Variants in TRPC4 observed in about 807,000 individuals in gnomAD.
TRPC4 encodes the protein short transient receptor potential channel 4.
In TRPC4, 49 loss-of-function variants were observed where a neutral mutation model predicts 99.4. The observed-to-expected ratio is 0.49, with a 90% CI of 0.39 to 0.63. The LOEUF (loss-of-function observed/expected upper bound fraction) is 0.63. Among genes scored for constraint, TRPC4 ranks in the 20% least tolerant of loss-of-function variants. The pLI, the probability that TRPC4 is intolerant of heterozygous loss-of-function variation, is 0.00. For synonymous variants in TRPC4, 454 were observed against 425.9 expected (o/e 1.07, Z -0.81); for missense variants, 898 against 1,152.9 (o/e 0.78, Z 3.20).
chr13:37,724,543 C>G (rs2139050448), intron 3 of TRPC4, among the ~76,000 whole-genome samples: 1 of 152,160 alleles, frequency 6.6e-6, no homozygotes, highest in African/African-American at 2.4e-5. Flanking sequence ...TTATGAAGTT[C>G]TAGGGAAGAA....
At chr13:37,658,352 A>G (rs958761392) in intron 6 of TRPC4, among the ~76,000 whole-genome samples, 1 of 152,190 alleles carries the variant, frequency 6.6e-6, no homozygotes, top group African/African-American at 2.4e-5. Flanking sequence ...TATATTGCTC[A>G]ACATATGCTT....
chr13:37,751,894 G>C lies in TRPC4; in HGVS notation c.379-5439C>G, dbSNP rs184385473. 2.4e-3 allele frequency among the ~76,000 whole-genome samples: 363 copies of C among 151,408 alleles called. 4 individuals are homozygous for C. Among genetic ancestry groups the C allele is most frequent in the Middle Eastern group, 0.014 (4 of 294 alleles). On this transcript the variant is annotated intron_variant, in intron 2 of 10. Transcript: ENST00000379705. ...TCCAACATCATGGTAGTTATCATGA[G>C]AAATACACAGAAAAATAAGAAATGA... is the stretch of plus-strand genomic sequence containing the variant.
rs1189952509 is a variant in TRPC4 at position 37,749,584 on chromosome 13, A to C, written c.379-3129T>G. On this transcript the variant is annotated intron_variant, in intron 2 of 10. Coordinates refer to ENST00000379705, the MANE Select transcript of TRPC4 (RefSeq NM_016179.4). ...CCGATTGCATGAAGACAATAAAAAC[A>C]GAACAAAAGTGTTTTAAGAAAATAA... Among the ~76,000 whole-genome samples the C allele has an allele frequency of 3.9e-5, 6 of 152,152 alleles. No individual in the cohort carries two copies. The East Asian group carries it at 1.2e-3, about 29-fold the overall frequency.
intron 2 of TRPC4, among the ~76,000 whole-genome samples, chr13:37,776,603 A>G (rs1278113319): frequency 6.6e-6 from 1 of 151,940 alleles, no homozygotes; most frequent in Non-Finnish European, 1.5e-5. Flanking sequence ...AGTAATTTCA[A>G]TTGGGTTAAC....
At chr13:37,842,146 T>C (rs1958748132) in intron 1 of TRPC4, among the ~76,000 whole-genome samples, 1 of 151,148 alleles carries the variant, frequency 6.6e-6, no homozygotes, top group Non-Finnish European at 1.5e-5. Flanking sequence ...GGCATACACC[T>C]GTAATCCCAG....
chr13:37,747,532 C>T (rs1025082439), intron 2 of TRPC4, among the ~76,000 whole-genome samples: 3 of 151,922 alleles, frequency 2.0e-5, no homozygotes, highest in Non-Finnish European at 2.9e-5. Context: ...TGATGACTCA[C>T]GTCACATTGA....
Position 37,690,213 on chromosome 13 carries a change from G to T in TRPC4, c.1234+1786C>A, listed in dbSNP as rs9548018. On this transcript the variant is annotated intron_variant, in intron 4 of 10. Transcript: ENST00000379705. ...ATATATTTAATTTAAATGAAACAGG[G>T]GGGGTTATTTTACCTTTAATACCAA... is the stretch of plus-strand genomic sequence containing the variant. Among the ~76,000 whole-genome samples the T allele has an allele frequency of 4.7e-4, 71 of 152,298 alleles. 1 individual carries two copies. In the East Asian group the frequency reaches 0.011, roughly 23 times the overall value.
At chr13:37,842,633 G>A (rs967604708) in intron 1 of TRPC4, among the ~76,000 whole-genome samples, 1 of 152,092 alleles carries the variant, frequency 6.6e-6, no homozygotes, top group Admixed American at 6.5e-5. Context: ...TTCTTGCTGT[G>A]TTCCCACATG....
chr13:37,812,184 A>AAAACAAACAAACAAAC (rs1555276075), intron 1 of TRPC4, among the ~76,000 whole-genome samples: 5 of 147,930 alleles, frequency 3.4e-5, no homozygotes, highest in African/African-American at 1.2e-4. Flanking sequence ...ATCAAAAAAA[A>AAAACAAACAAACAAAC]AAAAAAAAAA....
chr13:37,784,263 G>T (rs1253553375), intron 1 of TRPC4, among the ~76,000 whole-genome samples: 1 of 151,948 alleles, frequency 6.6e-6, no homozygotes, highest in East Asian at 1.9e-4. Context: ...TCATTCTACT[G>T]CCTTTAAAAA....
At chr13:37,684,573 T>G (rs945053155) in intron 4 of TRPC4, among the ~76,000 whole-genome samples, 3 of 152,120 alleles carry the variant, frequency 2.0e-5, no homozygotes, top group African/African-American at 4.8e-5. Flanking sequence ...AGAATGCTTA[T>G]GTAGATAGGA....
chr13:37,778,272 A>G (rs1017890493), intron 2 of TRPC4, among the ~76,000 whole-genome samples: 10 of 151,926 alleles, frequency 6.6e-5, no homozygotes, highest in Admixed American at 3.3e-4. Flanking sequence ...TACGTCACTT[A>G]AGCCTTTTAA....
chr13:37,639,023 A>C lies in TRPC4; in HGVS notation c.2211+17T>G. 6.2e-7 allele frequency: 1 copy of C among 1,611,872 alleles called. No homozygotes were observed. The highest frequency in any genetic ancestry group is 8.5e-7 in the Non-Finnish European group (1 of 1,178,070). On this transcript the variant is annotated intron_variant, in intron 10 of 10. Transcript: ENST00000379705. ...TCTGCACAATCTGCCTCTTGTGATG[A>C]AGATGAAAATGGTTACCTTAAAGTT...
chr13:37,695,984 A>G (rs1169019054), intron 3 of TRPC4, among the ~76,000 whole-genome samples: 1 of 152,338 alleles, frequency 6.6e-6, no homozygotes, highest in East Asian at 1.9e-4. Flanking sequence ...ACTACATTGT[A>G]TTAGTCAGTT....
chr13:37,780,083 C>T (rs533268298), intron 2 of TRPC4, among the ~76,000 whole-genome samples: 6 of 152,124 alleles, frequency 3.9e-5, no homozygotes, highest in East Asian at 1.9e-4. Context: ...GGGCCCAGGA[C>T]GAGGCCTGGC....
chr13:37,636,708 G>A lies in TRPC4; in HGVS notation c.*195C>T. 2 of 582,002 alleles carry A rather than the reference G, an allele frequency of 3.4e-6. No homozygotes were observed. The highest frequency in any genetic ancestry group is 3.2e-5 in the East Asian group (1 of 30,824). The allele number at this position is 582,002 out of a possible 1,614,324, so 36.1% of individuals were successfully genotyped here. A position where few individuals can be genotyped will look rare whatever the true frequency, so the allele number is the denominator to read the frequency against. The stretch of plus-strand genomic sequence containing the variant: ...AACAATTGTAAGACAAATTGTGAAA[G>A]CAAAAGCAGGCTACAAAACAAAAAG... On this transcript the variant is annotated 3_prime_UTR_variant, in exon 11 of 11. Coordinates refer to ENST00000379705, the MANE Select transcript of TRPC4 (RefSeq NM_016179.4).
intron 4 of TRPC4, among the ~76,000 whole-genome samples, chr13:37,685,720 C>T (rs1953448875): frequency 6.6e-6 from 1 of 151,934 alleles, no homozygotes; most frequent in South Asian, 2.1e-4. Context: ...TCTCTGAAGG[C>T]CTGTAAATTT....
chr13:37,753,498 T>G (rs2139201451), intron 2 of TRPC4, among the ~76,000 whole-genome samples: 1 of 147,854 alleles, frequency 6.8e-6, no homozygotes, highest in African/African-American at 2.5e-5. Flanking sequence ...CTTGTAGCCA[T>G]GGAAAAGGAA....
intron 8 of TRPC4, among the ~76,000 whole-genome samples, chr13:37,644,860 G>A (rs1227375495): frequency 2.8e-5 from 3 of 106,244 alleles, no homozygotes; most frequent in Admixed American, 1.3e-4. Flanking sequence ...GCAACAGAGC[G>A]AGACTCCATC....
Sources: allele counts gnomAD v4.1 joint callset (sites outside exome capture counted in the v4.1 genomes callset), GRCh38; gene constraint gnomAD v4.1.1; transcripts MANE v1.5; gene names NCBI Gene and HGNC (gene_info 2026-07-23, HGNC 2026-07-21).